TENM4: variants seen among roughly 807,000 people sequenced by gnomAD.
The protein encoded by TENM4 is teneurin-4.
In TENM4, 82 loss-of-function variants were observed where a neutral mutation model predicts 243.3. That is an observed-to-expected ratio of 0.34 (90% CI 0.28 to 0.40). The LOEUF (loss-of-function observed/expected upper bound fraction) is 0.40. TENM4 is among the 10% of genes least tolerant of loss of function. The probability of loss-of-function intolerance (pLI) is 1.00; values close to 1 mark genes in which losing one functional copy is unlikely to be tolerated. For synonymous variants in TENM4, 1,412 were observed against 1,456.3 expected (o/e 0.97, Z 0.69); for missense variants, 3,138 against 3,673.3 (o/e 0.85, Z 3.77).
At position 78,889,834 on chromosome 11, in the gene TENM4, G is replaced by A. The variant is rs1353746198; in HGVS notation, c.1035C>T (p.Ser345=). 6.4e-6 allele frequency: 10 copies of A among 1,551,856 alleles called. No individual in the cohort carries two copies. The highest frequency in any genetic ancestry group is 1.7e-4 in the Middle Eastern group (1 of 5,992). ...CCAGAGTGGCTGAGATGACGATGGC[G>A]CTCAGGGCTGCGCACTTCCAGTTAC... ...KYCNWKCAAL[S]AIVISATLVI... Residue 345 remains serine, a synonymous_variant, in exon 9 of 34, where the codon AGC becomes AGT. Coordinates refer to ENST00000278550, the MANE Select transcript of TENM4 (RefSeq NM_001098816.3).
chr11:78,883,631 G>T (rs1202064565), intron 9 of TENM4, among the ~76,000 whole-genome samples: 2 of 152,212 alleles, frequency 1.3e-5, no homozygotes, highest in Admixed American at 6.5e-5. Flanking sequence ...GGCAAGACAG[G>T]TGCTTGAAGA....
In TENM4 at chr11:78,729,550, T is replaced by C; in HGVS notation, c.3232A>G (p.Ser1078Gly). ...TPGYKSVLRI[S>G]LTHPTIPFNL... is the part of the protein sequence containing the mutation. The stretch of plus-strand genomic sequence containing the variant: ...AAGGGGATGGTCGGGTGGGTGAGGC[T>C]GATCCTCAGGACAGATTTGTAGCCA... Residue 1078 changes from serine (S) to glycine (G), a missense_variant, in exon 22 of 34, where the codon AGC becomes GGC. Coordinates refer to ENST00000278550, the MANE Select transcript of TENM4 (RefSeq NM_001098816.3). The C allele has an allele frequency of 6.2e-7, 1 of 1,613,936 alleles. No individual in the cohort carries two copies. Among genetic ancestry groups the C allele is most frequent in the Non-Finnish European group, 8.5e-7 (1 of 1,179,876 alleles).
chr11:79,149,815 T>G (rs2135054133), intron 3 of TENM4, among the ~76,000 whole-genome samples: 1 of 152,272 alleles, frequency 6.6e-6, no homozygotes, highest in Non-Finnish European at 1.5e-5. Flanking sequence ...GCAATACACA[T>G]TAGTTCCCTC....
At chr11:78,747,487 G>A (rs1325427786) in intron 19 of TENM4, among the ~76,000 whole-genome samples, 1 of 152,188 alleles carries the variant, frequency 6.6e-6, no homozygotes, top group Non-Finnish European at 1.5e-5. Context: ...CTCAGATTGG[G>A]ATTGGTCCTA....
At chr11:78,663,844 A>G (rs995720513) in intron 32 of TENM4, among the ~76,000 whole-genome samples, 2 of 152,132 alleles carry the variant, frequency 1.3e-5, no homozygotes, top group African/African-American at 2.4e-5. Flanking sequence ...ACTGGGTTCC[A>G]TGTTACCATC....
chr11:78,973,245 C>G (rs537010753), intron 6 of TENM4, among the ~76,000 whole-genome samples: 3 of 152,360 alleles, frequency 2.0e-5, no homozygotes, highest in South Asian at 4.1e-4. Flanking sequence ...TTTTAAGGAA[C>G]TGCCAGATTG....
rs370143451 is a variant in TENM4 at position 79,192,393 on chromosome 11, C to A, written c.-163+23415G>T. On this transcript the variant is annotated intron_variant, in intron 3 of 33. Coordinates refer to ENST00000278550, the MANE Select transcript of TENM4 (RefSeq NM_001098816.3). The stretch of plus-strand genomic sequence containing the variant: ...GTGTCTGTGTAGAAAGAAGTAGACA[C>A]GGGAGACTTTTCATTTTGTTCTGTA... 5.9e-5 allele frequency among the ~76,000 whole-genome samples: 9 copies of A among 152,270 alleles called. No individual in the cohort carries two copies. In the East Asian group the frequency reaches 1.7e-3, roughly 29 times the overall value.
intron 4 of TENM4, among the ~76,000 whole-genome samples, chr11:79,116,396 G>C (rs766608988): frequency 2.0e-5 from 3 of 152,206 alleles, no homozygotes; most frequent in African/African-American, 7.2e-5. Context: ...ACCACAGCCT[G>C]CTTGTTTAAC....
chr11:78,726,101 A>C lies in TENM4; in HGVS notation c.3528T>G (p.His1176Gln). 1.2e-6 allele frequency: 2 copies of C among 1,613,990 alleles called. No homozygotes were observed. Among genetic ancestry groups the C allele is most frequent in the Non-Finnish European group, 1.7e-6 (2 of 1,179,882 alleles). ...TACCACTTTGAATGTTGAGGGCATG[A>C]TGTTTGTCTAGGCTCCATCCTCCAA... Reference protein sequence around the residue: ...SKLGGWSLDKHHALNIQSGIL... With the variant: ...SKLGGWSLDKQHALNIQSGIL... Residue 1176 changes from histidine (H) to glutamine (Q), a missense_variant, in exon 23 of 34, where the codon CAT becomes CAG. Physicochemically the swap from His to Gln is conservative, Grantham distance 24 (BLOSUM62 0). Around this residue, in one of 2 missense-constraint regions of TENM4, gnomAD observed 2,467 missense variants for 3,059.1 expected, o/e 0.81. Transcript: ENST00000278550.
chr11:78,910,234 G>A (rs1266948555), intron 6 of TENM4, among the ~76,000 whole-genome samples: 1 of 152,170 alleles, frequency 6.6e-6, no homozygotes, highest in Non-Finnish European at 1.5e-5. Flanking sequence ...CCTTGCTACG[G>A]AGCTAATGAT....
chr11:79,228,029 A>T (rs1331457795), intron 2 of TENM4, among the ~76,000 whole-genome samples: 2 of 152,348 alleles, frequency 1.3e-5, no homozygotes, highest in East Asian at 3.9e-4. Context: ...ATGAGAAGAC[A>T]TTTTAGTGAC....
At position 79,219,828 on chromosome 11, in the gene TENM4, A is replaced by C. The variant is rs754703526; in HGVS notation, c.-264-3919T>G. 2.8e-3 allele frequency among the ~76,000 whole-genome samples: 429 copies of C among 152,204 alleles called. 4 individuals are homozygous for C. Among genetic ancestry groups the C allele is most frequent in the Non-Finnish European group, 3.0e-3 (206 of 68,036 alleles). ...GGAAGGCCCAGGTGGAATTAAATGC[A>C]GAGTGCCTCTGCTTCTGTTGGATTT... On this transcript the variant is annotated intron_variant, in intron 2 of 33. Coordinates refer to ENST00000278550, the MANE Select transcript of TENM4 (RefSeq NM_001098816.3).
intron 4 of TENM4, among the ~76,000 whole-genome samples, chr11:79,122,062 G>A (rs1171834380): frequency 6.6e-6 from 1 of 152,152 alleles, no homozygotes. Context: ...GTCTAACAGA[G>A]ATTCAGGATT....
intron 33 of TENM4, among the ~76,000 whole-genome samples, chr11:78,660,166 C>T (rs527249813): frequency 1.1e-4 from 16 of 152,140 alleles, no homozygotes; most frequent in South Asian, 6.2e-4. Context: ...GATATCTGGG[C>T]GGGGCCTGGA....
chr11:79,102,924 C>T (rs1476616346), intron 4 of TENM4, among the ~76,000 whole-genome samples: 2 of 152,130 alleles, frequency 1.3e-5, no homozygotes, highest in Admixed American at 1.3e-4. Context: ...GTGGCTACCA[C>T]ATTAGACAGC....
At chr11:79,347,018 G>A (rs1017709602) in intron 1 of TENM4, among the ~76,000 whole-genome samples, 1 of 152,094 alleles carries the variant, frequency 6.6e-6, no homozygotes, top group Non-Finnish European at 1.5e-5. Flanking sequence ...GCTCTATCCT[G>A]GGTTTCACTT....
chr11:79,032,967 C>T (rs1859284666), intron 6 of TENM4, among the ~76,000 whole-genome samples: 1 of 152,128 alleles, frequency 6.6e-6, no homozygotes, highest in South Asian at 2.1e-4. Context: ...AGACCACAGG[C>T]TCAGCCAGAG....
At chr11:79,409,907 C>T (rs567297476) in intron 1 of TENM4, among the ~76,000 whole-genome samples, 3 of 152,246 alleles carry the variant, frequency 2.0e-5, no homozygotes, top group South Asian at 4.1e-4. Context: ...GCTCTAGTTG[C>T]CCACAGTGGT....
Position 79,433,928 on chromosome 11 carries a change from G to A in TENM4, c.-321+6581C>T, listed in dbSNP as rs546251949. Among the ~76,000 whole-genome samples the A allele has an allele frequency of 6.2e-4, 95 of 152,312 alleles. 3 individuals are homozygous for A. In the South Asian group the frequency reaches 0.018, roughly 30 times the overall value. ...GGGCTCCCTCTGTGGTGACCACACC[G>A]TGAAACAATCCTGAGGTGACCTCTC... On this transcript the variant is annotated intron_variant, in intron 1 of 33. Coordinates refer to ENST00000278550, the MANE Select transcript of TENM4 (RefSeq NM_001098816.3).
Sources: gnomAD v4.1 joint callset for allele counts (sites outside exome capture counted in the v4.1 genomes callset) on GRCh38, gnomAD v4.1.1 for gene constraint, gnomAD v4.1.1 regional missense constraint, MANE v1.5 for transcripts, NCBI Gene and HGNC (gene_info 2026-07-23, HGNC 2026-07-21) for gene names.